KIAA1217: variants seen among roughly 807,000 people sequenced by gnomAD.
The protein encoded by KIAA1217 is sickle tail protein homolog.
Under a neutral mutation model 163.9 loss-of-function variants are expected in KIAA1217, and 88 were observed. That is an observed-to-expected ratio of 0.54 (90% CI 0.45 to 0.64). The LOEUF (loss-of-function observed/expected upper bound fraction) is 0.64. KIAA1217 is among the 30% of genes least tolerant of loss of function. The pLI is 0.00. For synonymous variants in KIAA1217, 903 were observed against 923.1 expected, an observed-to-expected ratio of 0.98 and a Z score of 0.39; for missense variants, 2,372 against 2,475.0, an observed-to-expected ratio of 0.96 and a Z score of 0.88.
At chr10:24,460,275 T>C (rs1378795409) in intron 5 of KIAA1217, among the ~76,000 whole-genome samples, 1 of 152,208 alleles carries the variant, frequency 6.6e-6, no homozygotes, top group Non-Finnish European at 1.5e-5. Flanking sequence ...GTATAACAAA[T>C]GGCATCAATT....
intron 1 of KIAA1217, among the ~76,000 whole-genome samples, chr10:23,840,012 A>G (rs1838693517): frequency 6.6e-6 from 1 of 152,188 alleles, no homozygotes; most frequent in Non-Finnish European, 1.5e-5. Context: ...CATTTTGACC[A>G]GAGAAAGTTC....
intron 2 of KIAA1217, among the ~76,000 whole-genome samples, chr10:24,231,804 T>G (rs912130811): frequency 6.6e-6 from 1 of 151,384 alleles, no homozygotes; most frequent in Non-Finnish European, 1.5e-5. Context: ...CTCTTGGGTT[T>G]TTTTTTTTTT....
rs34396312 is a variant in KIAA1217, at chr10:24,360,040, C to CTTTTT, written c.355-20809_355-20805dup. Among the ~76,000 whole-genome samples, 66 of 94,278 alleles carry CTTTTT rather than the reference C, an allele frequency of 7.0e-4. 2 individuals are homozygous for CTTTTT. Among genetic ancestry groups the CTTTTT allele is most frequent in the East Asian group, 3.2e-3 (9 of 2,814 alleles). The allele number at this position is 94,278 out of a possible 152,430, so 61.9% of individuals were successfully genotyped here. On this transcript the variant is annotated intron_variant, in intron 2 of 20. Coordinates refer to ENST00000376454, the MANE Select transcript of KIAA1217 (RefSeq NM_019590.5). ...ACTGTGTATCTTTAGGATATAATTA[C>CTTTTT]TTTTTTTTTTTTTTTTTTTTTTTTG...
chr10:24,433,067 C>G lies in KIAA1217; in HGVS notation c.626C>G (p.Thr209Arg). 6.2e-7 allele frequency: 1 copy of G among 1,614,116 alleles called. No individual in the cohort carries two copies. Among genetic ancestry groups the G allele is most frequent in the Non-Finnish European group, 8.5e-7 (1 of 1,180,022 alleles). Residue 209 changes from threonine (T) to arginine (R), a missense_variant, in exon 4 of 21, where the codon ACA becomes AGA. Physicochemically the swap from Thr to Arg is moderately conservative, Grantham distance 71. Around this residue, in one of 3 missense-constraint regions of KIAA1217, gnomAD observed 1,431 missense variants for 1,470.3 expected, o/e 0.97. Coordinates refer to ENST00000376454, the MANE Select transcript of KIAA1217 (RefSeq NM_019590.5). The part of the protein sequence containing the change: ...RMPNEITSAD[T>R]IRALFVSAFP... Reference sequence around the variant, plus strand: ...CCGAATGAAATCACAAGTGCAGACACAATCCGTGCTCTCTTCGTAAGTGCC... The same window carrying G: ...CCGAATGAAATCACAAGTGCAGACAGAATCCGTGCTCTCTTCGTAAGTGCC...
chr10:24,072,726 T>C (rs2061230427), intron 2 of KIAA1217, among the ~76,000 whole-genome samples: 1 of 152,052 alleles, frequency 6.6e-6, no homozygotes, highest in Admixed American at 6.6e-5. Flanking sequence ...TGAAGAATGT[T>C]GAGAAAAGGG....
chr10:24,094,378 T>C (rs2131695778), intron 2 of KIAA1217, among the ~76,000 whole-genome samples: 1 of 152,322 alleles, frequency 6.6e-6, no homozygotes, highest in Admixed American at 6.5e-5. Flanking sequence ...ACTTTTGGTC[T>C]TTGATGATGG....
chr10:24,124,757 C>T (rs1022908197), intron 2 of KIAA1217, among the ~76,000 whole-genome samples: 5 of 152,088 alleles, frequency 3.3e-5, no homozygotes, highest in Non-Finnish European at 7.4e-5. Context: ...TTAAATCATT[C>T]TGCTATTCTG....
chr10:24,235,040 C>T (rs150286824), intron 2 of KIAA1217, among the ~76,000 whole-genome samples: 170 of 152,304 alleles, frequency 1.1e-3, no homozygotes, highest in African/African-American at 4.1e-3. Context: ...CTATTAGTCA[C>T]AGTTCTTCAG....
chr10:24,003,346 T>C (rs1811886862), intron 1 of KIAA1217, among the ~76,000 whole-genome samples: 1 of 152,214 alleles, frequency 6.6e-6, no homozygotes, highest in Non-Finnish European at 1.5e-5. Flanking sequence ...AATTATAGCT[T>C]AGCCATTCTT....
chr10:24,192,183 C>T (rs12256415), intron 2 of KIAA1217, among the ~76,000 whole-genome samples: 1,868 of 152,162 alleles, frequency 0.012, 39 homozygotes, highest in African/African-American at 0.041. Flanking sequence ...GGAACAGTCA[C>T]GCAGAAGTAT....
At chr10:23,712,218 G>A (rs1373073776) in intron 1 of KIAA1217, among the ~76,000 whole-genome samples, 3 of 152,096 alleles carry the variant, frequency 2.0e-5, no homozygotes, top group East Asian at 1.9e-4. Flanking sequence ...TCTGCAGTTT[G>A]AGGGTGGAAG....
intron 1 of KIAA1217, among the ~76,000 whole-genome samples, chr10:23,847,574 A>AT: frequency 6.6e-6 from 1 of 152,016 alleles, no homozygotes; most frequent in East Asian, 1.9e-4. Flanking sequence ...CCCCTTTATC[A>AT]TTTTTTATTG....
At chr10:23,929,321 A>T (rs988868846) in intron 1 of KIAA1217, among the ~76,000 whole-genome samples, 3 of 151,382 alleles carry the variant, frequency 2.0e-5, no homozygotes, top group Non-Finnish European at 2.9e-5. Flanking sequence ...TTTATTTTTT[A>T]TTTTTTTTTA....
intron 1 of KIAA1217, among the ~76,000 whole-genome samples, chr10:23,987,632 CGTGT>C (rs943268727): frequency 2.1e-5 from 2 of 93,774 alleles, no homozygotes; most frequent in African/African-American, 6.5e-5. Context: ...TGTATGTGTA[CGTGT>C]GTGTGTGTGG....
chr10:24,293,497 G>A (rs1398991253), intron 2 of KIAA1217, among the ~76,000 whole-genome samples: 3 of 152,206 alleles, frequency 2.0e-5, no homozygotes, highest in Admixed American at 1.3e-4. Flanking sequence ...TTTACACACA[G>A]GAAACAACAG....
chr10:23,702,871 G>A (rs1836564174), intron 1 of KIAA1217, among the ~76,000 whole-genome samples: 1 of 152,020 alleles, frequency 6.6e-6, no homozygotes, highest in South Asian at 2.1e-4. Flanking sequence ...GGGACTACAG[G>A]TGCATGCCAC....
chr10:24,499,025 G>C (rs1350955510), intron 8 of KIAA1217, among the ~76,000 whole-genome samples: 1 of 152,220 alleles, frequency 6.6e-6, no homozygotes, highest in Non-Finnish European at 1.5e-5. Context: ...ATGGTTCTTA[G>C]TAGCAAACAG....
chr10:24,150,793 T>C (rs1368509213), intron 2 of KIAA1217, among the ~76,000 whole-genome samples: 1 of 152,150 alleles, frequency 6.6e-6, no homozygotes, highest in East Asian at 1.9e-4. Flanking sequence ...TCTCGGTAGC[T>C]GAATTATCTG....
intron 2 of KIAA1217, among the ~76,000 whole-genome samples, chr10:24,300,506 T>G (rs1246270959): frequency 1.3e-5 from 2 of 152,150 alleles, no homozygotes; most frequent in Admixed American, 6.5e-5. Context: ...TGAAAGCCCC[T>G]CTCTCTGCAT....
Sources: gnomAD v4.1 joint callset for allele counts (sites outside exome capture counted in the v4.1 genomes callset) on GRCh38, gnomAD v4.1.1 for gene constraint, gnomAD v4.1.1 regional missense constraint, MANE v1.5 for transcripts, NCBI Gene and HGNC (gene_info 2026-07-23, HGNC 2026-07-21) for gene names.